AOPEP: variants seen among roughly 807,000 people sequenced by gnomAD.
The protein encoded by AOPEP is aminopeptidase O.
AOPEP carries 77 observed loss-of-function variants against 98.1 expected under a neutral mutation model. The ratio of observed to expected loss-of-function variants is 0.78; its 90% confidence interval spans 0.65 to 0.95. The LOEUF (loss-of-function observed/expected upper bound fraction) is 0.95. Among genes scored for constraint, AOPEP ranks in the 40% least tolerant of loss-of-function variants. The pLI is 0.00. For synonymous variants in AOPEP, 346 were observed against 365.3 expected, an observed-to-expected ratio of 0.95 and a Z score of 0.60; for missense variants, 1,024 against 1,024.7, an observed-to-expected ratio of 1.00 and a Z score of 0.01.
At chr9:94,950,144 T>G (rs994757398) in intron 7 of AOPEP, among the ~76,000 whole-genome samples, 1 of 152,130 alleles carries the variant, frequency 6.6e-6, no homozygotes, top group South Asian at 2.1e-4. Flanking sequence ...CTGTGTCCCC[T>G]CCCCCAGCTT....
rs1162433828 is a variant in AOPEP, at chr9:94,930,878, G to A, written c.1661+2347G>A. Reference sequence around the variant, plus strand: ...AGCGAGACTGGGAAGGTAGCAGAGGGACATGAGGGCCAGAGAGGTTTGCTT... The same window carrying A: ...AGCGAGACTGGGAAGGTAGCAGAGGAACATGAGGGCCAGAGAGGTTTGCTT... On this transcript the variant is annotated intron_variant, in intron 7 of 16. Coordinates refer to ENST00000375315, the MANE Select transcript of AOPEP (RefSeq NM_001193329.3). The surrounding 1 kb of genome is among the most constrained non-coding windows in gnomAD (Gnocchi z 4.5). 6.6e-6 allele frequency among the ~76,000 whole-genome samples: 1 copy of A among 152,142 alleles called. No homozygotes were observed. The highest frequency in any genetic ancestry group is 2.4e-5 in the African/African-American group (1 of 41,420).
chr9:95,013,682 G>T (rs142083413), intron 13 of AOPEP, among the ~76,000 whole-genome samples: 156 of 152,284 alleles, frequency 1.0e-3, no homozygotes, highest in African/African-American at 3.6e-3. Context: ...GAAGAGCTTA[G>T]AACAGCTATA....
rs553095252 is a variant in AOPEP at position 95,071,035 on chromosome 9, A to T, written c.2233-9659A>T. ...AGACGGAAAGACAGTGAGCTGTAGT[A>T]TATTAACAGAAGGGCACCATGCCAG... On this transcript the variant is annotated intron_variant, in intron 14 of 16. Coordinates refer to ENST00000375315, the MANE Select transcript of AOPEP (RefSeq NM_001193329.3). Among the ~76,000 whole-genome samples, 7 of 152,354 alleles carry T rather than the reference A, an allele frequency of 4.6e-5. No individual in the cohort carries two copies. In the East Asian group the frequency reaches 1.3e-3, roughly 29 times the overall value.
intron 16 of AOPEP, among the ~76,000 whole-genome samples, chr9:95,083,343 ACACCACACAGCGCACG>A (rs2070082523): frequency 6.6e-6 from 1 of 150,602 alleles, no homozygotes; most frequent in South Asian, 2.1e-4. Context: ...CGCACAGCAC[ACACCACACAGCGCACG>A]CACCACACAG....
the AOPEP span, among the ~76,000 whole-genome samples, chr9:95,132,254 G>A: frequency 6.6e-6 from 1 of 152,182 alleles, no homozygotes; most frequent in Admixed American, 6.5e-5. Context: ...CTGACACCCT[G>A]CAGACACTTT....
intron 9 of AOPEP, among the ~76,000 whole-genome samples, chr9:94,960,756 T>C (rs780711070): frequency 4.1e-4 from 63 of 152,178 alleles, no homozygotes; most frequent in Admixed American, 7.9e-4. Flanking sequence ...CTCACGCCTG[T>C]AATCCCAGCA....
the AOPEP span, chr9:95,101,304 TA>T: frequency 1.2e-5 from 4 of 331,158 alleles, no homozygotes; most frequent in Non-Finnish European, 2.3e-5. Flanking sequence ...AAGTTCTCTC[TA>T]AATTCTTTAA....
At position 94,765,192 on chromosome 9, in the gene AOPEP, G is replaced by A. The variant is rs540479525; in HGVS notation, c.797+4612G>A. Among the ~76,000 whole-genome samples the A allele has an allele frequency of 6.0e-4, 91 of 151,748 alleles. No individual in the cohort carries two copies. The East Asian group carries it at 0.013, about 22-fold the overall frequency. ...TGCCCAGGCTGGTCTCGAACTCCTG[G>A]GCCCAAGCATTCCTCCCACCTCAGC... On this transcript the variant is annotated intron_variant, in intron 2 of 16. Coordinates refer to ENST00000375315, the MANE Select transcript of AOPEP (RefSeq NM_001193329.3).
At chr9:94,917,594 C>T (rs1301319791) in intron 5 of AOPEP, among the ~76,000 whole-genome samples, 6 of 152,142 alleles carry the variant, frequency 3.9e-5, no homozygotes, top group Non-Finnish European at 5.9e-5. Flanking sequence ...GAAGTTAAAC[C>T]AGATCATAAA....
At chr9:94,869,482 T>A (rs1448487058) in intron 5 of AOPEP, among the ~76,000 whole-genome samples, 1 of 152,206 alleles carries the variant, frequency 6.6e-6, no homozygotes, top group African/African-American at 2.4e-5. Flanking sequence ...CATCAACCCT[T>A]ATCTGTTGTA....
chr9:95,069,374 A>C (rs928264378), intron 14 of AOPEP, among the ~76,000 whole-genome samples: 1 of 152,232 alleles, frequency 6.6e-6, no homozygotes, highest in East Asian at 1.9e-4. Context: ...CTTTCAGCAA[A>C]GGCTGTGAGT....
At chr9:95,047,984 T>A (rs1344762031) in intron 13 of AOPEP, among the ~76,000 whole-genome samples, 1 of 152,234 alleles carries the variant, frequency 6.6e-6, no homozygotes. Context: ...GGTGGTTTGT[T>A]GCTCTTTTAT....
chr9:94,851,529 C>G (rs1188437590), intron 5 of AOPEP, among the ~76,000 whole-genome samples: 1 of 151,792 alleles, frequency 6.6e-6, no homozygotes, highest in African/African-American at 2.4e-5. Context: ...AGACCTCGTT[C>G]AAGTATAATT....
intron 14 of AOPEP, 99 bp from the exon 15 acceptor site, chr9:95,080,595 G>A (rs1379802726): frequency 2.6e-6 from 2 of 763,566 alleles, no homozygotes; most frequent in African/African-American, 3.4e-5. Flanking sequence ...CCATTTGAGA[G>A]CACAGCTTTC....
At chr9:94,746,214 CTGTT>C (rs1834451976) in intron 1 of AOPEP, among the ~76,000 whole-genome samples, 1 of 152,170 alleles carries the variant, frequency 6.6e-6, no homozygotes, top group African/African-American at 2.4e-5. Context: ...TAGTGGACCT[CTGTT>C]TGGTTTTCCA....
intron 5 of AOPEP, among the ~76,000 whole-genome samples, chr9:94,917,357 G>A (rs1313483949): frequency 6.6e-6 from 1 of 152,140 alleles, no homozygotes; most frequent in Non-Finnish European, 1.5e-5. Context: ...CTAGCAATAG[G>A]CCACAGCTAA....
At chr9:94,860,660 G>A (rs968303025) in intron 5 of AOPEP, among the ~76,000 whole-genome samples, 5 of 152,136 alleles carry the variant, frequency 3.3e-5, no homozygotes, top group Admixed American at 6.5e-5. Flanking sequence ...GAGGAAGAGG[G>A]AGATGTCAAG....
intron 7 of AOPEP, among the ~76,000 whole-genome samples, chr9:94,943,919 C>CAAAAAAAAAAAAAAAAAAAAAAAA (rs775807087): frequency 5.7e-5 from 1 of 17,396 alleles, no homozygotes; most frequent in African/African-American, 9.6e-5. Context: ...GACTCCATCT[C>CAAAAAAAAAAAAAAAAAAAAAAAA]AAAAAAAAAA....
intron 2 of AOPEP, among the ~76,000 whole-genome samples, chr9:94,770,409 G>A (rs1397698090): frequency 6.6e-6 from 1 of 152,192 alleles, no homozygotes; most frequent in Non-Finnish European, 1.5e-5. Flanking sequence ...AGCTTAGCCG[G>A]TGTCTCTTGC....
Sources: allele counts gnomAD v4.1 joint callset (sites outside exome capture counted in the v4.1 genomes callset), GRCh38; gene constraint gnomAD v4.1.1; non-coding constraint Gnocchi (gnomAD v3.1); transcripts MANE v1.5; gene names NCBI Gene and HGNC (gene_info 2026-07-23, HGNC 2026-07-21).